WFDC1: variants seen among roughly 807,000 people sequenced by gnomAD.
WFDC1 encodes the protein WAP four-disulfide core domain 1.
A neutral mutation model predicts 32.9 loss-of-function variants in WFDC1; 39 were observed. That is an observed-to-expected ratio of 1.19 (90% CI 0.92 to 1.55). WFDC1 has a LOEUF of 1.55. Among genes scored for constraint, WFDC1 ranks in the 40% most tolerant of loss-of-function variants. The probability of loss-of-function intolerance (pLI) is 0.00; values close to 1 mark genes in which losing one functional copy is unlikely to be tolerated. For missense variants in WFDC1, 386 were observed against 309.5 expected (o/e 1.25, Z -1.85); for synonymous variants, 184 against 137.4 (o/e 1.34, Z -2.37).
At chr16:84,325,810 C>T (rs894876846) in intron 5 of WFDC1, 2 of 152,222 alleles carry the variant, frequency 1.3e-5, no homozygotes, top group African/African-American at 4.8e-5. Context: ...CTCCATCCAA[C>T]CATCCTTATA....
At chr16:84,298,404 T>C (rs1906736911) in intron 1 of WFDC1, among the ~76,000 whole-genome samples, 1 of 152,154 alleles carries the variant, frequency 6.6e-6, no homozygotes. Context: ...CAGGAAATAC[T>C]TCTTGTTAGA....
At chr16:84,328,430 G>C (rs1908728939) in intron 6 of WFDC1, 1 of 152,262 alleles carries the variant, frequency 6.6e-6, no homozygotes, top group South Asian at 2.1e-4. Flanking sequence ...AGCCTCCCAG[G>C]ACGTCGCTGA....
Position 84,295,024 on chromosome 16 carries a change from C to G in WFDC1, c.53C>G (p.Ala18Gly). The G allele has an allele frequency of 6.2e-7, 1 of 1,614,236 alleles. No individual in the cohort carries two copies. Among genetic ancestry groups the G allele is most frequent in the East Asian group, 2.2e-5 (1 of 44,880 alleles). Residue 18 changes from alanine (A) to glycine (G), a missense_variant, in exon 1 of 7, where the codon GCT becomes GGT. Coordinates refer to ENST00000219454, the MANE Select transcript of WFDC1 (RefSeq NM_021197.4). ...PGSCRRQIIR[A>G]LCLLLLLLHA... Reference sequence around the variant, plus strand: ...AGCTGCAGGAGGCAGATCATCCGGGCTCTGTGCCTCTTGCTACTTCTCCTC... The same window carrying G: ...AGCTGCAGGAGGCAGATCATCCGGGGTCTGTGCCTCTTGCTACTTCTCCTC...
At position 84,319,107 on chromosome 16, in the gene WFDC1, G is replaced by A. The variant is rs1410680509; in HGVS notation, c.422-324G>A. The stretch of plus-strand genomic sequence containing the variant: ...CTTGTGTAAATGTCTGTGTCCCCAT[G>A]CGACTGTAGGGCTGAGTGTGTGTTT... On this transcript the variant is annotated intron_variant, in intron 3 of 6. Coordinates refer to ENST00000219454, the MANE Select transcript of WFDC1 (RefSeq NM_021197.4). 3 of 383,756 alleles carry A rather than the reference G, an allele frequency of 7.8e-6. No individual in the cohort carries two copies. The Admixed American group carries it at 1.3e-4, about 16-fold the overall frequency. 23.8% of individuals were successfully genotyped at this position (383,756 alleles called of 1,614,324 possible).
At chr16:84,305,242 C>T (rs925760414) in intron 1 of WFDC1, among the ~76,000 whole-genome samples, 1 of 152,268 alleles carries the variant, frequency 6.6e-6, no homozygotes, top group Non-Finnish European at 1.5e-5. Context: ...AGCCCAGGCT[C>T]TAAGCCTGGT....
In WFDC1 at chr16:84,311,473, C is replaced by G. The variant is rs146681034; in HGVS notation, c.145-1488C>G. ...TCGATCTCCTGACCTCATGATCCAC[C>G]TACCTTGGCCTCCCAAAGTGCTGGG... On this transcript the variant is annotated intron_variant, in intron 1 of 6. Transcript: ENST00000219454. 7.2e-3 allele frequency among the ~76,000 whole-genome samples: 1,073 copies of G among 148,154 alleles called. 16 individuals carry two copies. Among genetic ancestry groups the G allele is most frequent in the African/African-American group, 0.025 (1,022 of 40,152 alleles).
In WFDC1 at chr16:84,295,054, C is replaced by T. The variant is rs1260228411; in HGVS notation, c.83C>T (p.Ala28Val). ...ALCLLLLLLH[A>V]GSAKNIWKRA... ...TGCCTCTTGCTACTTCTCCTCCACG[C>T]CGGCTCTGCCAAGAATATCTGGAAA... Residue 28 changes from alanine (A) to valine (V), a missense_variant, in exon 1 of 7, where the codon GCC becomes GTC. Transcript: ENST00000219454. 3 of 1,614,100 alleles carry T rather than the reference C, an allele frequency of 1.9e-6. No homozygotes were observed. The highest frequency in any genetic ancestry group is 2.7e-5 in the African/African-American group (2 of 74,954).
At chr16:84,296,329 A>G (rs902229527) in intron 1 of WFDC1, among the ~76,000 whole-genome samples, 1 of 152,214 alleles carries the variant, frequency 6.6e-6, no homozygotes, top group Non-Finnish European at 1.5e-5. Context: ...GGGGTAGGGC[A>G]GGGTTCTGTT....
chr16:84,318,459 G>T, intron 3 of WFDC1, 104 bp downstream of exon 3: 1 of 1,073,788 alleles, frequency 9.3e-7, no homozygotes. Flanking sequence ...CCCCATGCAC[G>T]GGCCCTTCAG....
intron 5 of WFDC1, 178 bp from the exon 6 acceptor site, chr16:84,326,704 G>C (rs529088153): frequency 1.2e-5 from 8 of 644,704 alleles, no homozygotes; most frequent in Admixed American, 2.5e-5. Flanking sequence ...GGTGACACCA[G>C]CTGGGGGGCC....
At chr16:84,304,626 A>G (rs1045289360) in intron 1 of WFDC1, among the ~76,000 whole-genome samples, 2 of 152,154 alleles carry the variant, frequency 1.3e-5, no homozygotes, top group Non-Finnish European at 2.9e-5. Flanking sequence ...AAATAGACTT[A>G]CTGTACAATC....
chr16:84,300,954 G>A (rs533215386), intron 1 of WFDC1, among the ~76,000 whole-genome samples: 9 of 149,286 alleles, frequency 6.0e-5, no homozygotes, highest in Non-Finnish European at 1.2e-4. Flanking sequence ...CAGCCTGGGC[G>A]ACAGAGTGAG....
At chr16:84,316,291 T>C (rs1399515990) in intron 2 of WFDC1, 2 of 152,244 alleles carry the variant, frequency 1.3e-5, no homozygotes, top group African/African-American at 4.8e-5. Flanking sequence ...CAGAAAAAGC[T>C]AACCAGCATT....
intron 1 of WFDC1, among the ~76,000 whole-genome samples, chr16:84,298,311 T>C (rs531435634): frequency 1.2e-4 from 18 of 151,910 alleles, no homozygotes; most frequent in Non-Finnish European, 2.2e-4. Flanking sequence ...GTTTTGCTGG[T>C]CTCAAACTCC....
intron 1 of WFDC1, among the ~76,000 whole-genome samples, chr16:84,301,564 C>G (rs968015263): frequency 6.6e-5 from 10 of 152,164 alleles, no homozygotes; most frequent in Admixed American, 6.5e-4. Context: ...TCAGTAGGCT[C>G]CGGAAACCCC....
chr16:84,316,020 T>C (rs1043004307), intron 2 of WFDC1: 4 of 152,270 alleles, frequency 2.6e-5, no homozygotes, highest in African/African-American at 4.8e-5. Flanking sequence ...CATTTGCTTA[T>C]TTCCCTGCTG....
intron 3 of WFDC1, chr16:84,319,183 G>C (rs981125322): frequency 2.2e-5 from 12 of 548,154 alleles, no homozygotes; most frequent in Admixed American, 1.3e-4. Flanking sequence ...GCCTGTGAGA[G>C]TATGTTTGGG....
chr16:84,311,305 C>G (rs1309085721), intron 1 of WFDC1, among the ~76,000 whole-genome samples: 1 of 150,492 alleles, frequency 6.6e-6, no homozygotes, highest in Non-Finnish European at 1.5e-5. Context: ...AGTGCAATGG[C>G]TCGATCTTGG....
chr16:84,299,674 C>T (rs930386966), intron 1 of WFDC1, among the ~76,000 whole-genome samples: 3 of 152,222 alleles, frequency 2.0e-5, no homozygotes, highest in African/African-American at 7.2e-5. Flanking sequence ...ATGCGGGCCT[C>T]GGTGCTATGC....
Sources: gnomAD v4.1 joint callset for allele counts (sites outside exome capture counted in the v4.1 genomes callset) on GRCh38, gnomAD v4.1.1 for gene constraint, MANE v1.5 for transcripts, NCBI Gene and HGNC (gene_info 2026-07-23, HGNC 2026-07-21) for gene names.